Variants in LHPP observed in about 807,000 individuals in gnomAD.
LHPP encodes phospholysine phosphohistidine inorganic pyrophosphate phosphatase, also known as hLHPP.
Under a neutral mutation model 30.3 loss-of-function variants are expected in LHPP, and 24 were observed. The observed-to-expected ratio is 0.79, with a 90% confidence interval of 0.57 to 1.11. LHPP has a LOEUF of 1.11. LHPP is among the 50% of genes most tolerant of loss of function. The probability of loss-of-function intolerance (pLI) is 0.00; values close to 1 mark genes in which losing one functional copy is unlikely to be tolerated. For synonymous variants in LHPP, 150 were observed against 157.1 expected (o/e 0.95, Z 0.34); for missense variants, 356 against 367.2 (o/e 0.97, Z 0.25).
At chr10:124,520,139 T>C (rs1199087373) in intron 6 of LHPP, among the ~76,000 whole-genome samples, 1 of 149,626 alleles carries the variant, frequency 6.7e-6, no homozygotes, top group African/African-American at 2.5e-5. Flanking sequence ...GGCCTCTTTC[T>C]TTTTTTTTTA....
At chr10:124,568,189 C>G (rs538994263) in intron 6 of LHPP, among the ~76,000 whole-genome samples, 1 of 152,356 alleles carries the variant, frequency 6.6e-6, no homozygotes, top group African/African-American at 2.4e-5. Context: ...GCTGGGATAA[C>G]AGGTGTGAGC....
rs1952794396 is a variant in LHPP at position 124,472,025 on chromosome 10, T to C, written c.125+10038T>C. ...ATGGAAGTGTTTTTATGAATAACAA[T>C]GTTGGGCTGGGTGCAGTGGCTCACG... On this transcript the variant is annotated intron_variant, in intron 1 of 6. Transcript: ENST00000368842. Among the ~76,000 whole-genome samples the C allele has an allele frequency of 3.3e-5, 5 of 152,038 alleles. No individual in the cohort carries two copies. The South Asian group carries it at 1.0e-3, about 32-fold the overall frequency.
intron 1 of LHPP, among the ~76,000 whole-genome samples, chr10:124,479,435 A>C (rs780878661): frequency 3.1e-4 from 47 of 152,236 alleles, no homozygotes; most frequent in Admixed American, 1.6e-3. Flanking sequence ...CGGAGGGATG[A>C]CAAGGGTTTG....
chr10:124,475,146 C>T (rs1009819463), intron 1 of LHPP, among the ~76,000 whole-genome samples: 2 of 150,698 alleles, frequency 1.3e-5, no homozygotes, highest in Admixed American at 6.6e-5. Context: ...CCTCAGCCTC[C>T]TGAATAGCTG....
At chr10:124,604,775 C>T (rs1949070879) in intron 6 of LHPP, among the ~76,000 whole-genome samples, 1 of 152,250 alleles carries the variant, frequency 6.6e-6, no homozygotes, top group African/African-American at 2.4e-5. Context: ...GCCCCCTGCA[C>T]CTGGCTCCCA....
chr10:124,602,224 T>G (rs186307691), intron 6 of LHPP, among the ~76,000 whole-genome samples: 1 of 152,322 alleles, frequency 6.6e-6, no homozygotes, highest in Non-Finnish European at 1.5e-5. Flanking sequence ...CTGCCACTTC[T>G]GGCTGTGACT....
chr10:124,485,064 A>G (rs2001514), intron 2 of LHPP, among the ~76,000 whole-genome samples: 116,468 of 151,984 alleles, frequency 0.77, 45,354 homozygotes, highest in East Asian at 0.92. Context: ...GCAGAGGCAA[A>G]CATGGTTTTT....
chr10:124,608,939 C>A (rs1221917327), intron 6 of LHPP, among the ~76,000 whole-genome samples: 1 of 152,228 alleles, frequency 6.6e-6, no homozygotes, highest in African/African-American at 2.4e-5. Flanking sequence ...ACAGGGCCAA[C>A]CCTGCCCAGC....
intron 6 of LHPP, among the ~76,000 whole-genome samples, chr10:124,551,435 C>T (rs1474921484): frequency 6.6e-6 from 1 of 152,200 alleles, no homozygotes; most frequent in Non-Finnish European, 1.5e-5. Context: ...GGACTCCTTG[C>T]TCACGCTGCC....
chr10:124,586,820 G>C (rs1183227372), intron 6 of LHPP, among the ~76,000 whole-genome samples: 1 of 152,150 alleles, frequency 6.6e-6, no homozygotes, highest in Non-Finnish European at 1.5e-5. Context: ...GACCTTCCCT[G>C]GATTAAGAGT....
chr10:124,530,052 C>T (rs917961255), intron 6 of LHPP, among the ~76,000 whole-genome samples: 6 of 152,082 alleles, frequency 3.9e-5, no homozygotes, highest in Non-Finnish European at 8.8e-5. Flanking sequence ...GCCGTCCAAG[C>T]CCGTCTGCCC....
At chr10:124,540,890 T>C (rs1417047602) in intron 6 of LHPP, among the ~76,000 whole-genome samples, 2 of 152,196 alleles carry the variant, frequency 1.3e-5, no homozygotes, top group Non-Finnish European at 2.9e-5. Context: ...TAGCAGGTTC[T>C]GGACACACGA....
At chr10:124,542,985 C>T (rs1955237547) in intron 6 of LHPP, among the ~76,000 whole-genome samples, 1 of 152,214 alleles carries the variant, frequency 6.6e-6, no homozygotes, top group South Asian at 2.1e-4. Context: ...GGTTGAGTGT[C>T]TGTCGTTGCC....
chr10:124,611,383 A>G (rs1949195766), intron 6 of LHPP, among the ~76,000 whole-genome samples: 1 of 151,754 alleles, frequency 6.6e-6, no homozygotes, highest in Non-Finnish European at 1.5e-5. Context: ...GATGGGGGTG[A>G]CCACTTCTTC....
chr10:124,465,282 G>A (rs1384584799), intron 1 of LHPP, among the ~76,000 whole-genome samples: 2 of 152,118 alleles, frequency 1.3e-5, no homozygotes, highest in Non-Finnish European at 2.9e-5. Flanking sequence ...GGCGTGGGGT[G>A]GGGGAGTGGG....
At chr10:124,506,148 C>G (rs951263093) in intron 5 of LHPP, among the ~76,000 whole-genome samples, 14 of 152,242 alleles carry the variant, frequency 9.2e-5, no homozygotes, top group African/African-American at 3.4e-4. Context: ...GCTCAGGAAG[C>G]TGACGCACGA....
chr10:124,530,143 C>T (rs2133930037), intron 6 of LHPP, among the ~76,000 whole-genome samples: 1 of 152,302 alleles, frequency 6.6e-6, no homozygotes, highest in Middle Eastern at 3.4e-3. Flanking sequence ...AGCAAGGATC[C>T]CCAGGCCCCC....
chr10:124,470,787 T>C (rs895265210), intron 1 of LHPP, among the ~76,000 whole-genome samples: 1 of 151,858 alleles, frequency 6.6e-6, no homozygotes, highest in Non-Finnish European at 1.5e-5. Context: ...TGGCAGGACA[T>C]TGTAGGGAGA....
chr10:124,610,989 C>CGGGTGA (rs144774279), intron 6 of LHPP, among the ~76,000 whole-genome samples: 29,277 of 52,944 alleles, frequency 0.55, 7,340 homozygotes, highest in East Asian at 0.6. Context: ...GCTGGTGGAG[C>CGGGTGA]GGGTGAGGGT....
Sources: gnomAD v4.1 joint callset for allele counts (sites outside exome capture counted in the v4.1 genomes callset) on GRCh38, gnomAD v4.1.1 for gene constraint, MANE v1.5 for transcripts, NCBI Gene and HGNC (gene_info 2026-07-23, HGNC 2026-07-21) for gene names.